Variants in FAM124A observed in about 807,000 individuals in gnomAD.
FAM124A encodes family with sequence similarity 124 member A, also known as protein FAM124A.
FAM124A carries 23 observed loss-of-function variants against 24.5 expected under a neutral mutation model. That is an observed-to-expected ratio of 0.94 (90% CI 0.68 to 1.33). The LOEUF (loss-of-function observed/expected upper bound fraction) is 1.33. FAM124A is among the 40% of genes most tolerant of loss of function. FAM124A has a pLI of 0.00. For synonymous variants in FAM124A, 287 were observed against 314.7 expected (o/e 0.91, Z 0.93); for missense variants, 623 against 722.8 (o/e 0.86, Z 1.58).
At chr13:51,246,971 C>CTG (rs1199622471) in intron 2 of FAM124A, among the ~76,000 whole-genome samples, 3 of 152,252 alleles carry the variant, frequency 2.0e-5, no homozygotes, top group Non-Finnish European at 2.9e-5. Flanking sequence ...GTGCACCCAC[C>CTG]TGTGGTGCTG....
At chr13:51,265,053 G>T (rs978119784) in intron 3 of FAM124A, among the ~76,000 whole-genome samples, 1 of 152,134 alleles carries the variant, frequency 6.6e-6, no homozygotes, top group African/African-American at 2.4e-5. Flanking sequence ...TAAAATGGGG[G>T]TAATACAAGT....
intron 1 of FAM124A, among the ~76,000 whole-genome samples, chr13:51,228,137 A>G (rs1483249548): frequency 6.6e-6 from 1 of 152,188 alleles, no homozygotes; most frequent in Non-Finnish European, 1.5e-5. Context: ...GATCAATTTT[A>G]CAGGAATGCC....
intron 1 of FAM124A, among the ~76,000 whole-genome samples, chr13:51,226,542 C>T (rs1414227478): frequency 6.6e-6 from 1 of 152,104 alleles, no homozygotes; most frequent in African/African-American, 2.4e-5. Context: ...AAATAAATAA[C>T]AAGGGGTACG....
chr13:51,257,185 T>G (rs1049945635), intron 3 of FAM124A, among the ~76,000 whole-genome samples: 1 of 152,216 alleles, frequency 6.6e-6, no homozygotes, highest in East Asian at 1.9e-4. Flanking sequence ...TTCAGTTCTT[T>G]TGCATGTATA....
chr13:51,232,635 C>T (rs1200835877), intron 2 of FAM124A, among the ~76,000 whole-genome samples: 2 of 152,132 alleles, frequency 1.3e-5, no homozygotes, highest in Non-Finnish European at 2.9e-5. Context: ...TATTAAGAAC[C>T]TTAGTAATAA....
chr13:51,239,233 A>G (rs1401750095), intron 2 of FAM124A, among the ~76,000 whole-genome samples: 1 of 152,230 alleles, frequency 6.6e-6, no homozygotes, highest in Non-Finnish European at 1.5e-5. Flanking sequence ...CAAATAATAC[A>G]TAGTCATTGC....
At chr13:51,245,290 A>T (rs917255092) in intron 2 of FAM124A, 4 of 638,010 alleles carry the variant, frequency 6.3e-6, no homozygotes, top group Admixed American at 2.6e-5. Context: ...GCCGCCCCCC[A>T]CTTTAATCTT....
At chr13:51,256,614 G>A (rs1326805419) in intron 3 of FAM124A, among the ~76,000 whole-genome samples, 1 of 152,202 alleles carries the variant, frequency 6.6e-6, no homozygotes, top group Non-Finnish European at 1.5e-5. Context: ...TGAGGACAGA[G>A]AGACAGATGC....
intron 2 of FAM124A, among the ~76,000 whole-genome samples, chr13:51,247,701 A>G (rs1163066774): frequency 6.6e-6 from 1 of 152,172 alleles, no homozygotes; most frequent in Non-Finnish European, 1.5e-5. Flanking sequence ...TTTTCCATTT[A>G]CATGGAGCAT....
At chr13:51,259,258 T>C (rs970237726) in intron 3 of FAM124A, among the ~76,000 whole-genome samples, 2 of 152,098 alleles carry the variant, frequency 1.3e-5, no homozygotes, top group Non-Finnish European at 2.9e-5. Flanking sequence ...ACTTCTCCAC[T>C]GGATGGCCGA....
chr13:51,228,504 T>C (rs1954339535), intron 1 of FAM124A, among the ~76,000 whole-genome samples: 1 of 152,206 alleles, frequency 6.6e-6, no homozygotes, highest in African/African-American at 2.4e-5. Flanking sequence ...CATGCTTCAT[T>C]CTGGCAGGGC....
chr13:51,241,756 G>A (rs1017064929), intron 2 of FAM124A, among the ~76,000 whole-genome samples: 1 of 150,312 alleles, frequency 6.7e-6, no homozygotes, highest in African/African-American at 2.5e-5. Flanking sequence ...AAAAAAAAAT[G>A]AGTCCCCAGG....
At chr13:51,230,912 C>G (rs769472342) in intron 1 of FAM124A, among the ~76,000 whole-genome samples, 2 of 152,232 alleles carry the variant, frequency 1.3e-5, no homozygotes, top group Non-Finnish European at 2.9e-5. Flanking sequence ...CCTCTCTCCT[C>G]GCGCTGGGAT....
chr13:51,263,375 C>T (rs531428187), intron 3 of FAM124A, among the ~76,000 whole-genome samples: 1 of 152,350 alleles, frequency 6.6e-6, no homozygotes, highest in South Asian at 2.1e-4. Flanking sequence ...CCCTGGACCT[C>T]ACCACATCCC....
chr13:51,251,230 A>G lies in FAM124A; in HGVS notation c.101-238A>G, dbSNP rs532777395. On this transcript the variant is annotated intron_variant, in intron 2 of 3. Transcript: ENST00000322475. This position sits in a 1 kb window ranked among gnomAD's most constrained non-coding sequence, Gnocchi z 5.3. ...GAAATACAGGACCAAGGTTCTCCTC[A>G]CCCTGTCCAGCTTAGAAACTATTCA... Among the ~76,000 whole-genome samples, 10 of 152,308 alleles carry G rather than the reference A, an allele frequency of 6.6e-5. No homozygotes were observed. The South Asian group carries it at 2.1e-3, about 32-fold the overall frequency.
intron 3 of FAM124A, among the ~76,000 whole-genome samples, chr13:51,277,329 G>T (rs1383482321): frequency 1.3e-5 from 2 of 150,992 alleles, no homozygotes; most frequent in African/African-American, 2.4e-5. Flanking sequence ...CCTCCACAGG[G>T]TGGGAGGGTG....
intron 3 of FAM124A, among the ~76,000 whole-genome samples, chr13:51,273,816 A>T (rs1368900107): frequency 2.0e-5 from 3 of 152,220 alleles, no homozygotes; most frequent in Non-Finnish European, 2.9e-5. Context: ...GAACTATGTC[A>T]CGGGATATTT....
At chr13:51,239,341 G>T (rs992643062) in intron 2 of FAM124A, among the ~76,000 whole-genome samples, 2 of 152,092 alleles carry the variant, frequency 1.3e-5, no homozygotes, top group Non-Finnish European at 1.5e-5. Context: ...TGCCTTTGTA[G>T]GATTTTTTTC....
In FAM124A at chr13:51,283,515, G is replaced by A. The variant is rs1396836967; in HGVS notation, c.*2259G>A. On this transcript the variant is annotated 3_prime_UTR_variant, in exon 4 of 4. Transcript: ENST00000322475. ...TGCTGTGGTGTGTCATGCCAAAAAA[G>A]TGGGCTACTCAGGTTAGACCAATGA... 6.6e-6 allele frequency: 1 copy of A among 152,078 alleles called. No homozygotes were observed. The highest frequency in any genetic ancestry group is 1.5e-5 in the Non-Finnish European group (1 of 68,028). 9.4% of individuals were successfully genotyped at this position (152,078 alleles called of 1,614,324 possible).
Sources: allele counts gnomAD v4.1 joint callset (sites outside exome capture counted in the v4.1 genomes callset), GRCh38; gene constraint gnomAD v4.1.1; non-coding constraint Gnocchi (gnomAD v3.1); transcripts MANE v1.5; gene names NCBI Gene and HGNC (gene_info 2026-07-23, HGNC 2026-07-21).